Variants in USH2A observed in about 807,000 individuals in gnomAD.
The protein encoded by USH2A is Usher syndrome 2A (autosomal recessive, mild).
In USH2A, 443 loss-of-function variants were observed where a neutral mutation model predicts 538.9. That is an observed-to-expected ratio of 0.82 (90% CI 0.76 to 0.89). The LOEUF is 0.89. Ranked by LOEUF, USH2A falls within the 40% of genes least tolerant of loss-of-function variation. USH2A has a pLI of 0.00. For missense variants in USH2A, 6,633 were observed against 6,324.8 expected (o/e 1.05, Z -1.65); for synonymous variants, 2,413 against 2,273.5 (o/e 1.06, Z -1.75).
intron 38 of USH2A, among the ~76,000 whole-genome samples, chr1:215,930,404 A>G (rs1378305692): frequency 6.6e-6 from 1 of 151,100 alleles, no homozygotes; most frequent in Non-Finnish European, 1.5e-5. Context: ...GTTCATCTGG[A>G]AAAAAAAAGG....
At position 215,670,646 on chromosome 1, in the gene USH2A, T is replaced by C. The variant is rs1466220808; in HGVS notation, c.14133+326A>G. Among the ~76,000 whole-genome samples the C allele has an allele frequency of 2.0e-5, 3 of 152,282 alleles. No homozygotes were observed. In the East Asian group the frequency reaches 5.8e-4, roughly 29 times the overall value. On this transcript the variant is annotated intron_variant, in intron 64 of 71. Coordinates refer to ENST00000307340, the MANE Select transcript of USH2A (RefSeq NM_206933.4). ...AATGAGTTATTTTCAAAGTGATCTTTAAATAAGGAGTGTCTCCTACCAAGG... is the reference window on the plus strand; with the variant it reads ...AATGAGTTATTTTCAAAGTGATCTTCAAATAAGGAGTGTCTCCTACCAAGG...
At position 216,208,763 on chromosome 1, in the gene USH2A, CA is replaced by C. The variant is rs748136873; in HGVS notation, c.3158-1333del. 9.9e-5 allele frequency among the ~76,000 whole-genome samples: 15 copies of C among 152,236 alleles called. 1 individual carries two copies. Among genetic ancestry groups the C allele is most frequent in the Admixed American group, 3.9e-4 (6 of 15,288 alleles). ...TCATCAACAAAGGGAAAAGGCATAT[CA>C]ATGAAGTCCAGGGGAAACCAAGCAC... On this transcript the variant is annotated intron_variant, in intron 15 of 71. Coordinates refer to ENST00000307340, the MANE Select transcript of USH2A (RefSeq NM_206933.4).
intron 55 of USH2A, among the ~76,000 whole-genome samples, chr1:215,767,841 A>T (rs557652045): frequency 8.5e-5 from 13 of 152,326 alleles, no homozygotes; most frequent in African/African-American, 3.1e-4. Flanking sequence ...CAAGGAGGAT[A>T]TTGAGGCTTA....
chr1:216,203,542 T>C (rs1421473171), intron 16 of USH2A, among the ~76,000 whole-genome samples: 1 of 152,124 alleles, frequency 6.6e-6, no homozygotes, highest in African/African-American at 2.4e-5. Context: ...AACTACCGCA[T>C]TAAGAATATT....
At chr1:216,328,232 T>A (rs771759710) in intron 4 of USH2A, among the ~76,000 whole-genome samples, 7 of 152,170 alleles carry the variant, frequency 4.6e-5, no homozygotes, top group Non-Finnish European at 7.4e-5. Context: ...TAGTTCACTC[T>A]CAGAATTTTA....
intron 61 of USH2A, among the ~76,000 whole-genome samples, chr1:215,718,026 C>A (rs1659534839): frequency 6.6e-6 from 1 of 152,126 alleles, no homozygotes; most frequent in South Asian, 2.1e-4. Context: ...CAAATTTAAA[C>A]CCTCTGTGAC....
At chr1:215,777,793 T>C (rs554174225) in intron 55 of USH2A, among the ~76,000 whole-genome samples, 1 of 152,350 alleles carries the variant, frequency 6.6e-6, no homozygotes, top group African/African-American at 2.4e-5. Flanking sequence ...AGTGAATGCC[T>C]TGGATACGCT....
intron 13 of USH2A, among the ~76,000 whole-genome samples, chr1:216,241,827 C>CAT (rs2035944119): frequency 6.6e-6 from 1 of 152,108 alleles, no homozygotes; most frequent in Non-Finnish European, 1.5e-5. Context: ...CCACCATGTG[C>CAT]GGCCATTAGG....
chr1:216,262,281 C>A (rs1353489913), intron 11 of USH2A, among the ~76,000 whole-genome samples: 1 of 151,760 alleles, frequency 6.6e-6, no homozygotes, highest in Non-Finnish European at 1.5e-5. Flanking sequence ...TAAGGAAACT[C>A]AGCAAGATAG....
chr1:216,221,438 C>T (rs1053855502), intron 14 of USH2A, among the ~76,000 whole-genome samples: 2 of 152,178 alleles, frequency 1.3e-5, no homozygotes, highest in Non-Finnish European at 2.9e-5. Flanking sequence ...CTAACAGCAT[C>T]TGAATTCTCT....
intron 9 of USH2A, among the ~76,000 whole-genome samples, chr1:216,303,899 C>A (rs920831242): frequency 1.3e-5 from 2 of 151,888 alleles, no homozygotes; most frequent in Non-Finnish European, 2.9e-5. Context: ...AATGATCAAT[C>A]TTTACAGTAA....
At chr1:216,089,182 T>A (rs771505508) in intron 22 of USH2A, 43 bp from the exon 23 acceptor site, 1 of 1,589,446 alleles carries the variant, frequency 6.3e-7, no homozygotes, top group South Asian at 1.1e-5. Flanking sequence ...TACATGCATA[T>A]CTACAAATAA....
chr1:215,902,628 G>T (rs911205341), intron 38 of USH2A, among the ~76,000 whole-genome samples: 18 of 152,068 alleles, frequency 1.2e-4, no homozygotes, highest in African/African-American at 4.3e-4. Flanking sequence ...AAGGTAAAAA[G>T]AATTGGGCAG....
rs2036049445 is a variant in USH2A, at chr1:216,246,571, C to T, written c.2809+14G>A. ...GTCATTGTGCACTGAAAATGTAATACATTTCTTTCTTACCTGGTTGACACT... is the reference window on the plus strand; with the variant it reads ...GTCATTGTGCACTGAAAATGTAATATATTTCTTTCTTACCTGGTTGACACT... On this transcript the variant is annotated intron_variant, in intron 13 of 71. Transcript: ENST00000307340. The T allele has an allele frequency of 1.2e-6, 2 of 1,613,828 alleles. No individual in the cohort carries two copies. Among genetic ancestry groups the T allele is most frequent in the South Asian group, 1.1e-5 (1 of 91,090 alleles).
intron 42 of USH2A, among the ~76,000 whole-genome samples, chr1:215,878,206 C>A (rs563928498): frequency 6.6e-6 from 1 of 152,240 alleles, no homozygotes; most frequent in East Asian, 1.9e-4. Context: ...CAAAGCTTAT[C>A]AAGTTAATGG....
At chr1:215,788,897 T>G (rs1422450880) in intron 51 of USH2A, among the ~76,000 whole-genome samples, 1 of 138,522 alleles carries the variant, frequency 7.2e-6, no homozygotes, top group Non-Finnish European at 1.6e-5. Flanking sequence ...ATTCTCCAAA[T>G]GGAATGAAAC....
chr1:216,213,021 T>C (rs929010204), intron 15 of USH2A, among the ~76,000 whole-genome samples: 1 of 152,032 alleles, frequency 6.6e-6, no homozygotes, highest in Admixed American at 6.6e-5. Flanking sequence ...AGAAATAACA[T>C]TGCGCAATTA....
At chr1:215,648,814 G>T (rs1212912368) in intron 65 of USH2A, 48 bp from the exon 66 acceptor site, 4 of 1,543,218 alleles carry the variant, frequency 2.6e-6, no homozygotes, top group South Asian at 1.1e-5. Context: ...AACATTAAAG[G>T]TGTTTGATGA....
At position 215,675,331 on chromosome 1, in the gene USH2A, A is replaced by G. The variant is rs769001387; in HGVS notation, c.12580T>C (p.Cys4194Arg). Reference protein sequence around the residue: ...KIIRYEVIRRCFEGKAWGNQT... With the variant: ...KIIRYEVIRRRFEGKAWGNQT... ...TTTCCCCAAGCTTTTCCCTCGAAGC[A>G]TCTGCGAATCACTTCATAGCGAATT... The change falls in exon 63 of 72, where the codon TGC becomes CGC. Residue 4194 changes from cysteine (C) to arginine (R), a missense_variant. Physicochemically the swap from Cys to Arg is radical, Grantham distance 180. Coordinates refer to ENST00000307340, the MANE Select transcript of USH2A (RefSeq NM_206933.4). The G allele has an allele frequency of 5.0e-6, 8 of 1,614,028 alleles. No individual in the cohort carries two copies. Among genetic ancestry groups the G allele is most frequent in the African/African-American group, 2.7e-5 (2 of 74,938 alleles).
Sources: gnomAD v4.1 joint callset for allele counts (sites outside exome capture counted in the v4.1 genomes callset) on GRCh38, gnomAD v4.1.1 for gene constraint, MANE v1.5 for transcripts, NCBI Gene and HGNC (gene_info 2026-07-23, HGNC 2026-07-21) for gene names.